CSMD1: variants seen among roughly 807,000 people sequenced by gnomAD.
CSMD1 encodes the protein CUB and Sushi multiple domains 1.
CSMD1 carries 213 observed loss-of-function variants against 417.5 expected under a neutral mutation model. That is an observed-to-expected ratio of 0.51 (90% CI 0.46 to 0.57). The LOEUF is 0.57. Among genes scored for constraint, CSMD1 ranks in the 20% least tolerant of loss-of-function variants. CSMD1 has a pLI of 0.00. For synonymous variants in CSMD1, 2,862 were observed against 1,736.8 expected, an observed-to-expected ratio of 1.65 and a Z score of -16.11; for missense variants, 6,923 against 4,529.7, an observed-to-expected ratio of 1.53 and a Z score of -15.17.
At chr8:4,454,064 C>T (rs557651509) in intron 2 of CSMD1, among the ~76,000 whole-genome samples, 14 of 152,066 alleles carry the variant, frequency 9.2e-5, no homozygotes, top group Middle Eastern at 3.4e-3. Context: ...CCTCGTGATC[C>T]GCCCGCCTCG....
chr8:3,366,090 G>A (rs1426858868), intron 20 of CSMD1, among the ~76,000 whole-genome samples: 2 of 152,114 alleles, frequency 1.3e-5, no homozygotes, highest in Non-Finnish European at 2.9e-5. Context: ...GGTACCCAGG[G>A]ACCACCTTAT....
intron 2 of CSMD1, among the ~76,000 whole-genome samples, chr8:4,454,113 T>C (rs1329512543): frequency 4.6e-5 from 7 of 152,130 alleles, no homozygotes; most frequent in Non-Finnish European, 5.9e-5. Flanking sequence ...TGAGCCACTG[T>C]GCCCAGCCTG....
At chr8:3,132,831 C>A (rs937405869) in intron 41 of CSMD1, among the ~76,000 whole-genome samples, 1 of 152,160 alleles carries the variant, frequency 6.6e-6, no homozygotes, top group Non-Finnish European at 1.5e-5. Context: ...AGGAGCTACA[C>A]AAGCTCCAAC....
chr8:4,072,314 A>G (rs761756255), intron 3 of CSMD1, among the ~76,000 whole-genome samples: 22 of 152,198 alleles, frequency 1.4e-4, no homozygotes, highest in Non-Finnish European at 2.9e-4. Flanking sequence ...TTTGCCTTCA[A>G]AATGTATTTA....
At chr8:4,891,022 T>C (rs947877261) in intron 1 of CSMD1, among the ~76,000 whole-genome samples, 1 of 152,072 alleles carries the variant, frequency 6.6e-6, no homozygotes, top group Non-Finnish European at 1.5e-5. Flanking sequence ...AATAAATAGA[T>C]ATGTGGAAAT....
chr8:4,898,380 T>G (rs1173128778), intron 1 of CSMD1, among the ~76,000 whole-genome samples: 6 of 151,542 alleles, frequency 4.0e-5, no homozygotes, highest in Non-Finnish European at 7.4e-5. Flanking sequence ...TGCCATTTTT[T>G]TGCAGTCAAG....
At chr8:4,213,621 G>A (rs922036017) in intron 3 of CSMD1, among the ~76,000 whole-genome samples, 1 of 152,192 alleles carries the variant, frequency 6.6e-6, no homozygotes, top group African/African-American at 2.4e-5. Flanking sequence ...TGTTTTTAAT[G>A]AATTTTAAAA....
intron 37 of CSMD1, among the ~76,000 whole-genome samples, chr8:3,170,133 G>C (rs1320093042): frequency 6.6e-6 from 1 of 152,244 alleles, no homozygotes; most frequent in Non-Finnish European, 1.5e-5. Flanking sequence ...CTGCGCAAAA[G>C]TAAATTTGCT....
intron 1 of CSMD1, among the ~76,000 whole-genome samples, chr8:4,966,977 T>C (rs559686421): frequency 6.6e-6 from 1 of 152,336 alleles, no homozygotes. Context: ...AATTGCCATT[T>C]TACTTTATGT....
chr8:4,160,097 G>C (rs1005805111), intron 3 of CSMD1, among the ~76,000 whole-genome samples: 1 of 60,890 alleles, frequency 1.6e-5, no homozygotes, highest in African/African-American at 5.9e-5. Flanking sequence ...AAAAAAAAAA[G>C]AAAAAGCACT....
At chr8:4,133,557 G>T (rs1017222112) in intron 3 of CSMD1, among the ~76,000 whole-genome samples, 1 of 152,108 alleles carries the variant, frequency 6.6e-6, no homozygotes, top group African/African-American at 2.4e-5. Context: ...TAAGGGTTTT[G>T]TAGGAAAGCC....
At chr8:3,033,098 T>C (rs1810450402) in intron 50 of CSMD1, among the ~76,000 whole-genome samples, 1 of 144,144 alleles carries the variant, frequency 6.9e-6, no homozygotes, top group Admixed American at 6.9e-5. Flanking sequence ...TAGGCTACAG[T>C]TTCTATAAAA....
At chr8:4,093,297 AT>A (rs559754506) in intron 3 of CSMD1, among the ~76,000 whole-genome samples, 1 of 152,242 alleles carries the variant, frequency 6.6e-6, no homozygotes. Flanking sequence ...ATCCTATACA[AT>A]TTAAATAAAC....
chr8:4,449,677 G>A (rs571612563), intron 2 of CSMD1, among the ~76,000 whole-genome samples: 81 of 152,218 alleles, frequency 5.3e-4, no homozygotes, highest in African/African-American at 1.9e-3. Context: ...GAGAGGAATG[G>A]GATGGGAAGA....
At chr8:4,357,221 A>G (rs1175190161) in intron 3 of CSMD1, among the ~76,000 whole-genome samples, 2 of 152,182 alleles carry the variant, frequency 1.3e-5, no homozygotes, top group Admixed American at 6.5e-5. Flanking sequence ...TTTTCAGTTG[A>G]AAGAGCCTCT....
In CSMD1 at chr8:3,723,171, G is replaced by A. The variant is rs545187496; in HGVS notation, c.932-14680C>T. 9.9e-5 allele frequency among the ~76,000 whole-genome samples: 15 copies of A among 152,256 alleles called. No homozygotes were observed. The South Asian group carries it at 3.1e-3, about 32-fold the overall frequency. On this transcript the variant is annotated intron_variant, in intron 6 of 69. Coordinates refer to ENST00000635120, the MANE Select transcript of CSMD1 (RefSeq NM_033225.6). ...GGTTCCCATCTTCTTGCTGGCTAATGAAGGGGCCACTCGGGGCACTCAGGG... is the reference window on the plus strand; with the variant it reads ...GGTTCCCATCTTCTTGCTGGCTAATAAAGGGGCCACTCGGGGCACTCAGGG...
chr8:4,985,656 G>C (rs1811140527), intron 1 of CSMD1, among the ~76,000 whole-genome samples: 1 of 152,146 alleles, frequency 6.6e-6, no homozygotes, highest in African/African-American at 2.4e-5. Context: ...ACAGTAACAA[G>C]ATGACTATTC....
At chr8:4,419,284 C>G (rs948631283) in intron 3 of CSMD1, among the ~76,000 whole-genome samples, 4 of 152,094 alleles carry the variant, frequency 2.6e-5, no homozygotes, top group African/African-American at 4.8e-5. Flanking sequence ...CAAAAGTAGA[C>G]ACACATCGGC....
Position 4,306,388 on chromosome 8 carries a change from T to TA in CSMD1, c.415+113564dup, listed in dbSNP as rs200826347. Among the ~76,000 whole-genome samples, 862 of 89,524 alleles carry TA rather than the reference T, an allele frequency of 9.6e-3. 8 individuals are homozygous for TA. Among genetic ancestry groups the TA allele is most frequent in the African/African-American group, 0.038 (829 of 21,560 alleles). The allele number at this position is 89,524 out of a possible 152,430, so 58.7% of individuals were successfully genotyped here. On this transcript the variant is annotated intron_variant, in intron 3 of 69. Coordinates refer to ENST00000635120, the MANE Select transcript of CSMD1 (RefSeq NM_033225.6). ...GAGCCTCACTCTGATAATGCTGGAT[T>TA]AAAAAACCTACAGAACAAAAAAATA...
Sources: allele counts gnomAD v4.1 joint callset (sites outside exome capture counted in the v4.1 genomes callset), GRCh38; gene constraint gnomAD v4.1.1; transcripts MANE v1.5; gene names NCBI Gene and HGNC (gene_info 2026-07-23, HGNC 2026-07-21).